Variants in NKAIN2 observed in about 807,000 individuals in gnomAD.
The protein encoded by NKAIN2 is sodium/potassium transporting ATPase interacting 2, also known as sodium/potassium-transporting ATPase subunit beta-1-interacting protein 2.
A neutral mutation model predicts 32.6 loss-of-function variants in NKAIN2; 14 were observed. The observed-to-expected ratio is 0.43, with a 90% CI of 0.28 to 0.67. The LOEUF is 0.67. Among genes scored for constraint, NKAIN2 ranks in the 30% least tolerant of loss-of-function variants. The pLI is 0.17. For missense variants in NKAIN2, 198 were observed against 258.3 expected (o/e 0.77, Z 1.60); for synonymous variants, 80 against 87.2 (o/e 0.92, Z 0.46).
intron 2 of NKAIN2, among the ~76,000 whole-genome samples, chr6:124,332,495 C>A (rs1366587234): frequency 1.3e-5 from 2 of 152,132 alleles, no homozygotes; most frequent in Non-Finnish European, 2.9e-5. Context: ...ACCCTATCTA[C>A]TGAATTTGAT....
intron 2 of NKAIN2, among the ~76,000 whole-genome samples, chr6:124,287,885 T>C (rs1582994138): frequency 6.6e-6 from 1 of 152,150 alleles, no homozygotes; most frequent in South Asian, 2.1e-4. Flanking sequence ...ATTAAAGCCA[T>C]AGCAACTTTC....
At chr6:124,079,929 G>C (rs1304773905) in intron 1 of NKAIN2, among the ~76,000 whole-genome samples, 1 of 151,546 alleles carries the variant, frequency 6.6e-6, no homozygotes, top group East Asian at 1.9e-4. Context: ...TTGGGGGGTG[G>C]CATTTGGATG....
intron 1 of NKAIN2, among the ~76,000 whole-genome samples, chr6:123,848,881 T>C (rs1418518127): frequency 6.6e-6 from 1 of 152,222 alleles, no homozygotes; most frequent in East Asian, 1.9e-4. Flanking sequence ...TTTAAAGAGT[T>C]CCCACTACTA....
chr6:124,594,471 A>G (rs373330823), intron 3 of NKAIN2, among the ~76,000 whole-genome samples: 1 of 152,224 alleles, frequency 6.6e-6, no homozygotes, highest in African/African-American at 2.4e-5. Context: ...TAATAAGTGA[A>G]GTTCAATTAG....
intron 1 of NKAIN2, among the ~76,000 whole-genome samples, chr6:123,938,583 A>G (rs548245937): frequency 0.012 from 1,656 of 140,874 alleles, 28 homozygotes; most frequent in African/African-American, 0.041. Context: ...ATATATTTAT[A>G]TAGTTTTTAT....
intron 3 of NKAIN2, among the ~76,000 whole-genome samples, chr6:124,460,761 C>T (rs1263359867): frequency 6.6e-6 from 1 of 151,628 alleles, no homozygotes; most frequent in Non-Finnish European, 1.5e-5. Context: ...TTATGTCTTT[C>T]TTCAGCTCTG....
At chr6:124,203,228 G>A (rs1790678738) in intron 1 of NKAIN2, among the ~76,000 whole-genome samples, 1 of 151,762 alleles carries the variant, frequency 6.6e-6, no homozygotes, top group Non-Finnish European at 1.5e-5. Context: ...AACATTATTT[G>A]TCATTCTAGT....
intron 3 of NKAIN2, among the ~76,000 whole-genome samples, chr6:124,641,548 T>C (rs1482472344): frequency 1.9e-5 from 2 of 107,126 alleles, no homozygotes; most frequent in African/African-American, 7.6e-5. Context: ...TTTTTTTTTT[T>C]TTTTTTTTTT....
At chr6:124,623,000 C>G (rs1783166467) in intron 3 of NKAIN2, among the ~76,000 whole-genome samples, 1 of 152,112 alleles carries the variant, frequency 6.6e-6, no homozygotes, top group Non-Finnish European at 1.5e-5. Flanking sequence ...GGTATCCAGG[C>G]TTGAGGATGG....
chr6:124,218,636 T>A (rs1791614700), intron 1 of NKAIN2, among the ~76,000 whole-genome samples: 1 of 152,198 alleles, frequency 6.6e-6, no homozygotes, highest in Non-Finnish European at 1.5e-5. Context: ...GGCTGATACT[T>A]ATTTTCAGTG....
At chr6:124,407,974 T>C (rs1271833792) in intron 3 of NKAIN2, among the ~76,000 whole-genome samples, 3 of 152,058 alleles carry the variant, frequency 2.0e-5, no homozygotes, top group Non-Finnish European at 4.4e-5. Context: ...TCATGTGTTT[T>C]TTGGCTGCAT....
intron 3 of NKAIN2, among the ~76,000 whole-genome samples, chr6:124,578,863 G>C (rs1781426258): frequency 6.6e-6 from 1 of 152,120 alleles, no homozygotes; most frequent in Non-Finnish European, 1.5e-5. Flanking sequence ...AGCGCAGAAA[G>C]AGACAGAAAG....
intron 1 of NKAIN2, among the ~76,000 whole-genome samples, chr6:124,153,250 A>G (rs1787819333): frequency 6.6e-6 from 1 of 151,906 alleles, no homozygotes; most frequent in African/African-American, 2.4e-5. Context: ...AAAATATCAC[A>G]TGCAACCCCA....
At chr6:124,144,434 C>G (rs917664339) in intron 1 of NKAIN2, among the ~76,000 whole-genome samples, 2 of 151,986 alleles carry the variant, frequency 1.3e-5, no homozygotes, top group Admixed American at 6.6e-5. Flanking sequence ...GTTATACTTA[C>G]AGAAGAAAAA....
chr6:124,095,223 ATC>A (rs912600243), intron 1 of NKAIN2, among the ~76,000 whole-genome samples: 1 of 152,114 alleles, frequency 6.6e-6, no homozygotes, highest in African/African-American at 2.4e-5. Flanking sequence ...AGGCTTTTTA[ATC>A]TGTTTGGATA....
intron 5 of NKAIN2, among the ~76,000 whole-genome samples, chr6:124,814,854 T>C (rs1228972524): frequency 6.6e-6 from 1 of 152,130 alleles, no homozygotes; most frequent in Non-Finnish European, 1.5e-5. Context: ...ATCTATTTTT[T>C]TTCTGCCATC....
intron 4 of NKAIN2, among the ~76,000 whole-genome samples, chr6:124,698,763 A>G (rs986850594): frequency 2.0e-5 from 3 of 152,158 alleles, no homozygotes; most frequent in African/African-American, 7.2e-5. Context: ...CCAAAGTTTC[A>G]GTGGGAAAAA....
intron 5 of NKAIN2, among the ~76,000 whole-genome samples, chr6:124,816,585 C>A (rs1345431295): frequency 1.3e-5 from 2 of 152,082 alleles, no homozygotes; most frequent in Non-Finnish European, 2.9e-5. Flanking sequence ...GAACCTAAAA[C>A]TGCTCTAAAA....
intron 1 of NKAIN2, among the ~76,000 whole-genome samples, chr6:123,912,363 AC>A (rs1562253947): frequency 6.6e-6 from 1 of 152,084 alleles, no homozygotes; most frequent in Non-Finnish European, 1.5e-5. Context: ...AATTTATGGC[AC>A]ACTTTAGTCA....
Sources: gnomAD v4.1 joint callset for allele counts (sites outside exome capture counted in the v4.1 genomes callset) on GRCh38, gnomAD v4.1.1 for gene constraint, MANE v1.5 for transcripts, NCBI Gene and HGNC (gene_info 2026-07-23, HGNC 2026-07-21) for gene names.